Variants in TSC22D2 observed in about 807,000 individuals in gnomAD.
TSC22D2 encodes TSC22 domain family protein 2.
Under a neutral mutation model 50.1 loss-of-function variants are expected in TSC22D2, and 5 were observed. The ratio of observed to expected loss-of-function variants is 0.10; its 90% CI spans 0.05 to 0.21. The LOEUF (loss-of-function observed/expected upper bound fraction) is 0.21. Among genes scored for constraint, TSC22D2 ranks in the 10% least tolerant of loss-of-function variants. The pLI is 1.00. For synonymous variants in TSC22D2, 501 were observed against 450.1 expected (o/e 1.11, Z -1.43); for missense variants, 1,003 against 1,015.5 (o/e 0.99, Z 0.17).
chr3:150,442,735 A>C (rs1435107981), intron 1 of TSC22D2, among the ~76,000 whole-genome samples: 1 of 152,210 alleles, frequency 6.6e-6, no homozygotes, highest in African/African-American at 2.4e-5. Flanking sequence ...AGTCCAAGGC[A>C]GGAGGATTGC....
intron 1 of TSC22D2, among the ~76,000 whole-genome samples, chr3:150,445,123 A>C (rs1576554654): frequency 6.6e-6 from 1 of 151,836 alleles, no homozygotes; most frequent in East Asian, 1.9e-4. Flanking sequence ...AGATTATTTT[A>C]CTCTAAATAA....
At position 150,463,650 on chromosome 3, in the gene TSC22D2, T is replaced by C. The variant is rs1721478609; in HGVS notation, c.*5014T>C. On this transcript the variant is annotated 3_prime_UTR_variant, in exon 3 of 3. Coordinates refer to ENST00000688009, the MANE Select transcript of TSC22D2 (RefSeq NM_001303264.2). Reference sequence around the variant, plus strand: ...TATCTTTTGTGGAGTACAATTGGTATGACATGCTGTGTTCATAGATGAAAA... The same window carrying C: ...TATCTTTTGTGGAGTACAATTGGTACGACATGCTGTGTTCATAGATGAAAA... 1 of 152,206 alleles carries C rather than the reference T, an allele frequency of 6.6e-6. No homozygotes were observed. Among genetic ancestry groups the C allele is most frequent in the Non-Finnish European group, 1.5e-5 (1 of 68,040 alleles). The allele number at this position is 152,206 out of a possible 1,614,324, so 9.4% of individuals were successfully genotyped here.
intron 1 of TSC22D2, among the ~76,000 whole-genome samples, chr3:150,446,198 G>T (rs1720882215): frequency 6.6e-6 from 1 of 151,952 alleles, no homozygotes; most frequent in Non-Finnish European, 1.5e-5. Context: ...GACAACTGCT[G>T]AGTGAGAAAC....
chr3:150,458,728 C>A lies in TSC22D2; in HGVS notation c.*92C>A, dbSNP rs1721275977. On this transcript the variant is annotated 3_prime_UTR_variant, in exon 3 of 3. Coordinates refer to ENST00000688009, the MANE Select transcript of TSC22D2 (RefSeq NM_001303264.2). ...TTCCACTTTATACGAAAGCAAGTAG[C>A]CATGCTTTGGTTGTGTGTTTGGCCT... 9.3e-6 allele frequency: 14 copies of A among 1,498,832 alleles called. No homozygotes were observed. The South Asian group carries it at 1.6e-4, about 17-fold the overall frequency. The allele number at this position is 1,498,832 out of a possible 1,614,324, so 92.8% of individuals were successfully genotyped here. A position where few individuals can be genotyped will look rare whatever the true frequency, so the allele number is the denominator to read the frequency against.
chr3:150,428,315 G>A (rs1308298537), intron 1 of TSC22D2, among the ~76,000 whole-genome samples: 5 of 152,210 alleles, frequency 3.3e-5, no homozygotes, highest in Admixed American at 2.6e-4. Context: ...TAGTTCTTAA[G>A]TGGGGGATGG....
intron 1 of TSC22D2, among the ~76,000 whole-genome samples, chr3:150,446,286 A>G (rs1720887343): frequency 6.6e-6 from 1 of 152,188 alleles, no homozygotes; most frequent in Non-Finnish European, 1.5e-5. Flanking sequence ...TAATAAACTG[A>G]AACGTAGACA....
chr3:150,452,118 A>G (rs940736292), intron 1 of TSC22D2, among the ~76,000 whole-genome samples: 1 of 152,180 alleles, frequency 6.6e-6, no homozygotes, highest in Admixed American at 6.5e-5. Flanking sequence ...TACTACAGAT[A>G]AAGAAAAAAG....
At chr3:150,424,336 A>G (rs543267624) in intron 1 of TSC22D2, among the ~76,000 whole-genome samples, 11 of 152,190 alleles carry the variant, frequency 7.2e-5, no homozygotes, top group Non-Finnish European at 1.5e-4. Flanking sequence ...ACTTTGGGGT[A>G]TGCTTTATAG....
intron 1 of TSC22D2, among the ~76,000 whole-genome samples, chr3:150,449,114 A>C (rs1228966376): frequency 6.6e-6 from 1 of 152,162 alleles, no homozygotes; most frequent in Non-Finnish European, 1.5e-5. Flanking sequence ...ACAAATCACA[A>C]ATATCACTTA....
At chr3:150,422,899 G>C (rs1049626199) in intron 1 of TSC22D2, 24 of 511,512 alleles carry the variant, frequency 4.7e-5, no homozygotes, top group African/African-American at 4.0e-4. Flanking sequence ...CTAAAGTGTT[G>C]TTTTAAGCAA....
chr3:150,416,482 A>G (rs9817094), intron 1 of TSC22D2, among the ~76,000 whole-genome samples: 2,088 of 152,282 alleles, frequency 0.014, 21 homozygotes, highest in Non-Finnish European at 0.022. Flanking sequence ...GTTTTTCTTT[A>G]TACTAAACCA....
Position 150,465,131 on chromosome 3 carries a change from T to C in TSC22D2, c.*6495T>C, listed in dbSNP as rs1721514873. 6.6e-6 allele frequency: 1 copy of C among 152,176 alleles called. No individual in the cohort carries two copies. Among genetic ancestry groups the C allele is most frequent in the South Asian group, 2.1e-4 (1 of 4,834 alleles). 9.4% of individuals were successfully genotyped at this position (152,176 alleles called of 1,614,324 possible). On this transcript the variant is annotated 3_prime_UTR_variant, in exon 3 of 3. Transcript: ENST00000688009. ...AAAATGGATTATTCAACAAATAGTA[T>C]GGGATAGCATAACAATTTAGAAGAA... is the stretch of plus-strand genomic sequence containing the variant.
chr3:150,454,861 A>C (rs990248574), intron 1 of TSC22D2, among the ~76,000 whole-genome samples: 2 of 152,104 alleles, frequency 1.3e-5, no homozygotes, highest in Non-Finnish European at 2.9e-5. Context: ...CATAAAAGAG[A>C]TCTTAGGACA....
intron 1 of TSC22D2, among the ~76,000 whole-genome samples, chr3:150,420,434 T>C (rs1719967614): frequency 6.6e-6 from 1 of 152,250 alleles, no homozygotes; most frequent in African/African-American, 2.4e-5. Context: ...ATTGTGTAAC[T>C]GTGTACTATA....
chr3:150,436,176 G>A (rs187051902), intron 1 of TSC22D2, among the ~76,000 whole-genome samples: 96 of 152,112 alleles, frequency 6.3e-4, no homozygotes, highest in African/African-American at 2.0e-3. Context: ...CTTTTAAAAC[G>A]TATACAGCTC....
intron 1 of TSC22D2, among the ~76,000 whole-genome samples, chr3:150,453,143 T>G (rs957802988): frequency 5.9e-5 from 9 of 152,206 alleles, no homozygotes; most frequent in Non-Finnish European, 1.0e-4. Flanking sequence ...ATATATACTT[T>G]GTGCTGGAAG....
At chr3:150,427,471 T>C (rs1290186682) in intron 1 of TSC22D2, among the ~76,000 whole-genome samples, 1 of 152,138 alleles carries the variant, frequency 6.6e-6, no homozygotes, top group Non-Finnish European at 1.5e-5. Flanking sequence ...TGCATAGTTG[T>C]AGATGTGGAC....
intron 1 of TSC22D2, among the ~76,000 whole-genome samples, chr3:150,428,163 T>C (rs540645282): frequency 6.6e-6 from 1 of 152,166 alleles, no homozygotes; most frequent in South Asian, 2.1e-4. Flanking sequence ...GAGTAGCAAG[T>C]CTGGTCTTAT....
chr3:150,443,022 A>G (rs1396969011), intron 1 of TSC22D2, among the ~76,000 whole-genome samples: 1 of 152,176 alleles, frequency 6.6e-6, no homozygotes, highest in African/African-American at 2.4e-5. Context: ...ACATCTCAGA[A>G]TTTATCTTCT....
Sources: gnomAD v4.1 joint callset for allele counts (sites outside exome capture counted in the v4.1 genomes callset) on GRCh38, gnomAD v4.1.1 for gene constraint, MANE v1.5 for transcripts, NCBI Gene and HGNC (gene_info 2026-07-23, HGNC 2026-07-21) for gene names.